Variants in PIP5K1B observed in about 807,000 individuals in gnomAD.
PIP5K1B encodes the protein phosphatidylinositol-4-phosphate 5-kinase type 1 beta.
In PIP5K1B, 42 loss-of-function variants were observed where a neutral mutation model predicts 67.0. The observed-to-expected ratio is 0.63, with a 90% CI of 0.49 to 0.81. The LOEUF (loss-of-function observed/expected upper bound fraction) is 0.81. Ranked by LOEUF, PIP5K1B falls within the 30% of genes least tolerant of loss-of-function variation. The pLI is 0.00. For synonymous variants in PIP5K1B, 214 were observed against 231.4 expected, an observed-to-expected ratio of 0.92 and a Z score of 0.68; for missense variants, 459 against 646.3, an observed-to-expected ratio of 0.71 and a Z score of 3.14.
chr9:68,824,433 C>T (rs10869365), intron 4 of PIP5K1B: 83,982 of 282,036 alleles, frequency 0.3, 12,953 homozygotes, highest in East Asian at 0.37. Context: ...GGATATTTAA[C>T]TCAGCAATGT....
chr9:68,837,609 T>TG (rs1355356190), intron 4 of PIP5K1B, among the ~76,000 whole-genome samples: 5 of 127,428 alleles, frequency 3.9e-5, no homozygotes, highest in Non-Finnish European at 6.8e-5. Context: ...TACTTTGTGT[T>TG]TTTTTTTTTT....
At chr9:68,819,838 G>T (rs1447657244) in intron 3 of PIP5K1B, among the ~76,000 whole-genome samples, 3 of 152,078 alleles carry the variant, frequency 2.0e-5, no homozygotes, top group African/African-American at 7.2e-5. Flanking sequence ...AAAAATAAAT[G>T]AATAACTCTT....
chr9:68,872,572 G>A (rs920525580), intron 5 of PIP5K1B, among the ~76,000 whole-genome samples: 2 of 152,144 alleles, frequency 1.3e-5, no homozygotes, highest in Non-Finnish European at 2.9e-5. Flanking sequence ...GGCTTGTCCT[G>A]TTCTTAAAAG....
chr9:68,714,562 C>A (rs1327482318), intron 1 of PIP5K1B, among the ~76,000 whole-genome samples: 3 of 152,132 alleles, frequency 2.0e-5, no homozygotes, highest in African/African-American at 7.2e-5. Context: ...GGTTGGAGGG[C>A]ACCTGAGGCT....
At chr9:68,744,685 T>C (rs1056209955) in intron 2 of PIP5K1B, among the ~76,000 whole-genome samples, 6 of 151,994 alleles carry the variant, frequency 3.9e-5, no homozygotes, top group African/African-American at 1.4e-4. Flanking sequence ...AGGCAGGCGG[T>C]ATCATAGGAG....
chr9:68,991,331 C>A, intron 15 of PIP5K1B, 74 bp downstream of exon 15: 2 of 808,958 alleles, frequency 2.5e-6, no homozygotes, highest in Non-Finnish European at 4.3e-6. Context: ...TACACAAGAA[C>A]AAGTTCAATA....
intron 2 of PIP5K1B, among the ~76,000 whole-genome samples, chr9:68,774,242 T>C (rs1038584065): frequency 1.9e-4 from 29 of 152,208 alleles, no homozygotes; most frequent in Non-Finnish European, 4.1e-4. Context: ...CGGACAAGTC[T>C]TCAGAGTTTA....
intron 1 of PIP5K1B, among the ~76,000 whole-genome samples, chr9:68,737,743 G>A (rs1828808477): frequency 1.3e-5 from 2 of 152,204 alleles, no homozygotes; most frequent in African/African-American, 4.8e-5. Context: ...TTCAATGTGT[G>A]AAATGCACCC....
chr9:68,997,706 C>T (rs1407567450), intron 15 of PIP5K1B, among the ~76,000 whole-genome samples: 2 of 152,160 alleles, frequency 1.3e-5, no homozygotes, highest in Non-Finnish European at 2.9e-5. Context: ...ATGGACCTCC[C>T]ATTGCCCGAG....
rs545171926 is a variant in PIP5K1B, at chr9:68,880,433, T to C, written c.318+3639T>C. Among the ~76,000 whole-genome samples, 431 of 152,208 alleles carry C rather than the reference T, an allele frequency of 2.8e-3. 3 individuals carry two copies. Among genetic ancestry groups the C allele is most frequent in the African/African-American group, 1.0e-2 (414 of 41,532 alleles). On this transcript the variant is annotated intron_variant, in intron 6 of 15. Coordinates refer to ENST00000265382, the MANE Select transcript of PIP5K1B (RefSeq NM_003558.4). ...AGCTGGGCACGGTGGCATGAGCCTG[T>C]AGTCCCAGCTACTTGGTAGGCTGAG... is the stretch of plus-strand genomic sequence containing the variant.
chr9:68,783,002 CTGT>C (rs1831386337), intron 2 of PIP5K1B: 1 of 167,146 alleles, frequency 6.0e-6, no homozygotes, highest in Non-Finnish European at 1.5e-5. Context: ...CCTTCTCTAT[CTGT>C]TGCCCCTGAT....
At chr9:68,795,139 T>TTG (rs1214978542) in intron 2 of PIP5K1B, among the ~76,000 whole-genome samples, 5 of 151,784 alleles carry the variant, frequency 3.3e-5, no homozygotes, top group Non-Finnish European at 7.4e-5. Flanking sequence ...ACTCCTTACT[T>TTG]TGTGTGTGTG....
intron 14 of PIP5K1B, chr9:68,964,135 A>G (rs1053708401): frequency 1.3e-5 from 2 of 152,194 alleles, no homozygotes; most frequent in African/African-American, 4.8e-5. Flanking sequence ...CCAGTAAGTC[A>G]TCATTCTTCT....
intron 8 of PIP5K1B, among the ~76,000 whole-genome samples, chr9:68,898,803 C>G (rs1181497415): frequency 6.6e-6 from 1 of 152,248 alleles, no homozygotes; most frequent in African/African-American, 2.4e-5. Flanking sequence ...ACTGTAGGCA[C>G]AGCCACTGCT....
In PIP5K1B at chr9:69,003,478, AGGG is replaced by A. The variant is rs67726971; in HGVS notation, c.1621-4962_1621-4960del. On this transcript the variant is annotated intron_variant, in intron 15 of 15. Coordinates refer to ENST00000265382, the MANE Select transcript of PIP5K1B (RefSeq NM_003558.4). The stretch of plus-strand genomic sequence containing the variant: ...AGGTAATTATAGTTAAAAAAAAAAA[AGGG>A]GGGGGGATATCACCCCAAGGGTTGA... Among the ~76,000 whole-genome samples, 164 of 142,264 alleles carry A rather than the reference AGGG, an allele frequency of 1.2e-3. 1 individual carries two copies. Among genetic ancestry groups the A allele is most frequent in the African/African-American group, 4.0e-3 (156 of 39,186 alleles). 93.3% of individuals were successfully genotyped at this position (142,264 alleles called of 152,430 possible).
At chr9:68,755,563 A>G (rs1829884642) in intron 2 of PIP5K1B, among the ~76,000 whole-genome samples, 1 of 152,234 alleles carries the variant, frequency 6.6e-6, no homozygotes, top group Non-Finnish European at 1.5e-5. Context: ...GAGGGAATAT[A>G]AGCCTGTTAC....
At chr9:68,731,190 G>A (rs977101981) in intron 1 of PIP5K1B, among the ~76,000 whole-genome samples, 14 of 152,198 alleles carry the variant, frequency 9.2e-5, no homozygotes, top group African/African-American at 2.9e-4. Flanking sequence ...TCTAAAGCTT[G>A]CCATGTTTCA....
chr9:68,986,463 G>T (rs142829476), intron 14 of PIP5K1B, among the ~76,000 whole-genome samples: 10 of 151,894 alleles, frequency 6.6e-5, no homozygotes, highest in African/African-American at 2.4e-4. Context: ...AGTTATAAGA[G>T]TTCTTTATAT....
chr9:68,947,421 C>G (rs1827853369), intron 14 of PIP5K1B, among the ~76,000 whole-genome samples: 1 of 152,180 alleles, frequency 6.6e-6, no homozygotes, highest in South Asian at 2.1e-4. Context: ...TGTCCTCCTG[C>G]CACCTTCTCA....
Sources: allele counts gnomAD v4.1 joint callset (sites outside exome capture counted in the v4.1 genomes callset), GRCh38; gene constraint gnomAD v4.1.1; transcripts MANE v1.5; gene names NCBI Gene and HGNC (gene_info 2026-07-23, HGNC 2026-07-21).